Variants in SORCS1 observed in about 807,000 individuals in gnomAD.
The protein encoded by SORCS1 is VPS10 domain-containing receptor SorCS1.
A neutral mutation model predicts 146.1 loss-of-function variants in SORCS1; 60 were observed. The ratio of observed to expected loss-of-function variants is 0.41; its 90% confidence interval spans 0.33 to 0.51. The LOEUF is 0.51. SORCS1 is among the 20% of genes least tolerant of loss of function. The pLI is 0.21. For synonymous variants in SORCS1, 637 were observed against 584.0 expected, an observed-to-expected ratio of 1.09 and a Z score of -1.31; for missense variants, 1,352 against 1,487.6, an observed-to-expected ratio of 0.91 and a Z score of 1.50.
chr10:107,136,212 G>A (rs1448416751), intron 1 of SORCS1, among the ~76,000 whole-genome samples: 1 of 152,162 alleles, frequency 6.6e-6, no homozygotes, highest in Non-Finnish European at 1.5e-5. Flanking sequence ...CAAAACTTAG[G>A]AGGACGTTTT....
intron 8 of SORCS1, among the ~76,000 whole-genome samples, chr10:106,704,082 C>A (rs1854332543): frequency 6.6e-6 from 1 of 152,156 alleles, no homozygotes. Flanking sequence ...CAGCAGTGAT[C>A]TGTGTGATGG....
At chr10:106,880,097 G>T (rs1450035858) in intron 2 of SORCS1, among the ~76,000 whole-genome samples, 1 of 152,202 alleles carries the variant, frequency 6.6e-6, no homozygotes, top group Admixed American at 6.5e-5. Context: ...GGTGGCTAAG[G>T]TGCCTGGAAC....
At chr10:106,979,182 T>G (rs1295183518) in intron 1 of SORCS1, among the ~76,000 whole-genome samples, 1 of 152,104 alleles carries the variant, frequency 6.6e-6, no homozygotes, top group African/African-American at 2.4e-5. Flanking sequence ...GGTAAGAGAA[T>G]GAACAATATC....
intron 2 of SORCS1, among the ~76,000 whole-genome samples, chr10:106,933,022 A>G (rs1220028338): frequency 1.3e-5 from 2 of 152,226 alleles, no homozygotes; most frequent in Non-Finnish European, 2.9e-5. Context: ...TTTATGATTT[A>G]CCTGGACAGC....
intron 17 of SORCS1, among the ~76,000 whole-genome samples, chr10:106,664,622 A>G (rs1371207279): frequency 6.6e-6 from 1 of 152,180 alleles, no homozygotes; most frequent in Non-Finnish European, 1.5e-5. Flanking sequence ...AGCCTGGGTA[A>G]CAGAGTGAGA....
rs1343877953 is a variant in SORCS1 at position 107,065,496 on chromosome 10, TC to T, written c.558+98472del. 1.2e-3 allele frequency among the ~76,000 whole-genome samples: 100 copies of T among 83,300 alleles called. 2 individuals are homozygous for T. Among genetic ancestry groups the T allele is most frequent in the African/African-American group, 5.2e-3 (97 of 18,700 alleles). The allele number at this position is 83,300 out of a possible 152,430, so 54.6% of individuals were successfully genotyped here. The stretch of plus-strand genomic sequence containing the variant: ...TCCTCTCCTCTCCTCTCCTCTCCTC[TC>T]CTCTCCTCTCCTCTCTTTCTTTCTT... On this transcript the variant is annotated intron_variant, in intron 1 of 25. Transcript: ENST00000263054.
At chr10:107,180,134 T>G in the SORCS1 span, among the ~76,000 whole-genome samples, 2 of 152,068 alleles carry the variant, frequency 1.3e-5, no homozygotes, top group Admixed American at 1.3e-4. Flanking sequence ...CAGACTATTC[T>G]CAAACTCCTG....
chr10:106,906,700 G>T (rs750335323), intron 2 of SORCS1, among the ~76,000 whole-genome samples: 9 of 152,108 alleles, frequency 5.9e-5, no homozygotes, highest in Non-Finnish European at 1.0e-4. Context: ...GATCTGGGTG[G>T]GGACACAGCC....
At chr10:106,625,142 T>C (rs1848014128) in intron 19 of SORCS1, among the ~76,000 whole-genome samples, 2 of 152,132 alleles carry the variant, frequency 1.3e-5, no homozygotes, top group Non-Finnish European at 2.9e-5. Context: ...TTCTTGTTTA[T>C]AGCCCTCCTG....
chr10:106,796,479 A>C (rs1232990680), intron 3 of SORCS1, among the ~76,000 whole-genome samples: 1 of 152,198 alleles, frequency 6.6e-6, no homozygotes, highest in Non-Finnish European at 1.5e-5. Context: ...CATTATACTC[A>C]TAAGTCCCAT....
intron 1 of SORCS1, among the ~76,000 whole-genome samples, chr10:107,101,757 G>GTT (rs1367784487): frequency 6.6e-6 from 1 of 151,694 alleles, no homozygotes; most frequent in Non-Finnish European, 1.5e-5. Context: ...TTATGTGTGT[G>GTT]TGTGTGTGTG....
chr10:106,736,160 A>C (rs570248072), intron 5 of SORCS1, among the ~76,000 whole-genome samples: 2 of 152,360 alleles, frequency 1.3e-5, no homozygotes, highest in East Asian at 3.9e-4. Context: ...AGAAACTCAG[A>C]AATGTCACTA....
chr10:106,841,755 C>T (rs944472999), intron 2 of SORCS1, among the ~76,000 whole-genome samples: 16 of 152,132 alleles, frequency 1.1e-4, no homozygotes, highest in Admixed American at 6.6e-5. Flanking sequence ...CTTTTCATGG[C>T]TTGATAGCTT....
intron 1 of SORCS1, among the ~76,000 whole-genome samples, chr10:107,055,852 A>G (rs1232942813): frequency 5.3e-4 from 81 of 152,330 alleles, no homozygotes; most frequent in Admixed American, 5.1e-3. Context: ...GACAGAAACG[A>G]GGAGACATAT....
At chr10:107,178,392 CT>C in the SORCS1 span, among the ~76,000 whole-genome samples, 1 of 151,992 alleles carries the variant, frequency 6.6e-6, no homozygotes, top group East Asian at 1.9e-4. Flanking sequence ...TGATATTTGT[CT>C]TTCTGTGCCT....
At chr10:106,978,731 G>A (rs1003249442) in intron 1 of SORCS1, among the ~76,000 whole-genome samples, 8 of 151,604 alleles carry the variant, frequency 5.3e-5, no homozygotes, top group African/African-American at 1.7e-4. Flanking sequence ...CCAGGAGGCG[G>A]AGGTAGCAGT....
chr10:107,128,997 C>CA (rs1324459539), intron 1 of SORCS1, among the ~76,000 whole-genome samples: 4 of 152,012 alleles, frequency 2.6e-5, no homozygotes, highest in African/African-American at 7.2e-5. Context: ...AAATTATTTG[C>CA]AAAAAAGGAT....
chr10:106,794,490 CTTTTCT>C (rs1946450755), intron 3 of SORCS1, among the ~76,000 whole-genome samples: 3 of 149,620 alleles, frequency 2.0e-5, no homozygotes, highest in South Asian at 4.2e-4. Flanking sequence ...GCATTGTTTC[CTTTTCT>C]TTTTCTTTTT....
At chr10:106,986,985 A>G (rs1956506176) in intron 1 of SORCS1, among the ~76,000 whole-genome samples, 1 of 152,130 alleles carries the variant, frequency 6.6e-6, no homozygotes, top group African/African-American at 2.4e-5. Flanking sequence ...TTTCCTTGAC[A>G]ATGGGTAACA....
Sources: gnomAD v4.1 joint callset for allele counts (sites outside exome capture counted in the v4.1 genomes callset) on GRCh38, gnomAD v4.1.1 for gene constraint, MANE v1.5 for transcripts, NCBI Gene and HGNC (gene_info 2026-07-23, HGNC 2026-07-21) for gene names.